TEP1: variants seen among roughly 807,000 people sequenced by gnomAD.
TEP1 encodes telomerase associated protein 1, also known as telomerase protein component 1.
A neutral mutation model predicts 306.3 loss-of-function variants in TEP1; 241 were observed. The ratio of observed to expected loss-of-function variants is 0.79; its 90% CI spans 0.71 to 0.88. The LOEUF (loss-of-function observed/expected upper bound fraction) is 0.88. Among genes scored for constraint, TEP1 ranks in the 40% least tolerant of loss-of-function variants. TEP1 has a pLI of 0.00. For synonymous variants in TEP1, 1,289 were observed against 1,305.5 expected, an observed-to-expected ratio of 0.99 and a Z score of 0.27; for missense variants, 3,051 against 3,276.1, an observed-to-expected ratio of 0.93 and a Z score of 1.68.
In TEP1 at chr14:20,375,799, G is replaced by A. The variant is rs757195695; in HGVS notation, c.6319C>T (p.Arg2107Cys). 1.3e-5 allele frequency: 21 copies of A among 1,613,558 alleles called. No individual in the cohort carries two copies. Among genetic ancestry groups the A allele is most frequent in the South Asian group, 3.3e-5 (3 of 91,056 alleles). The change falls in exon 43 of 55, where the codon CGT (arginine) becomes TGT (cysteine). Residue 2107 changes from arginine to cysteine, a missense_variant. Around this residue, in one of 3 missense-constraint regions of TEP1, gnomAD observed 1,540 missense variants for 1,705.9 expected, o/e 0.90. Transcript: ENST00000262715. ...CAGGCACAGCCAGTGACCCAGTCAC[G>A]GTGACAGGCAGGGAAGGAGTGGATC... ...VLIHSFPACH[R>C]DWVTGCAWTK... is the part of the protein sequence containing the mutation.
rs772453193 is a variant in TEP1, at chr14:20,371,488, C to A, written c.7220+1G>T. On this transcript the variant is annotated splice_donor_variant, in intron 50 of 54. Coordinates refer to ENST00000262715, the MANE Select transcript of TEP1 (RefSeq NM_007110.5). LOFTEE classifies it high-confidence loss of function. ...GGAGGAAATGGCATTTTGGATCTTA[C>A]CAGATTTCAGATGGAGCATCCCCTG... The A allele has an allele frequency of 6.2e-7, 1 of 1,610,012 alleles. No individual in the cohort carries two copies. Among genetic ancestry groups the A allele is most frequent in the Non-Finnish European group, 8.5e-7 (1 of 1,179,210 alleles).
chr14:20,384,962 A>T, intron 21 of TEP1, 23 bp downstream of exon 21: 1 of 1,614,150 alleles, frequency 6.2e-7, no homozygotes, highest in Non-Finnish European at 8.5e-7. Flanking sequence ...AAGGAGCCCC[A>T]GCCTGCAGGC....
intron 12 of TEP1, among the ~76,000 whole-genome samples, chr14:20,394,140 G>C (rs796818687): frequency 6.6e-6 from 1 of 152,124 alleles, no homozygotes; most frequent in African/African-American, 2.4e-5. Context: ...GCAGTGGCAT[G>C]ATCATAGCTC....
In TEP1 at chr14:20,382,046, G is replaced by C. The variant is rs539351442; in HGVS notation, c.4291C>G (p.Leu1431Val). 6.2e-7 allele frequency: 1 copy of C among 1,614,032 alleles called. No homozygotes were observed. Residue 1431 changes from leucine (L) to valine (V), a missense_variant, in exon 30 of 55, where the codon CTG becomes GTG. This residue lies in a region of TEP1 where 1,540 missense variants were observed against 1,705.9 expected (regional missense o/e 0.90). Coordinates refer to ENST00000262715, the MANE Select transcript of TEP1 (RefSeq NM_007110.5). ...VTRSGLTVDQ[L>V]HGVLSVWRTL... Reference sequence around the variant, plus strand: ...CGCCACACACTCAGCACTCCGTGCAGCTGGTCCACAGTCAAACCTGAAAAC... The same window carrying C: ...CGCCACACACTCAGCACTCCGTGCACCTGGTCCACAGTCAAACCTGAAAAC...
chr14:20,410,553 G>A (rs1443566231), intron 1 of TEP1, among the ~76,000 whole-genome samples: 1 of 151,034 alleles, frequency 6.6e-6, no homozygotes, highest in Admixed American at 6.6e-5. Context: ...CTCCCGAGTA[G>A]CTGGAATTAC....
rs941478595 is a variant in TEP1 at position 20,383,300 on chromosome 14, A to G, written c.3921T>C (p.Leu1307=). ...VSSDAGLGET[L]EQSQGAHVLA... ...GCACGTGGGCACCCTGGCTCTGCTC[A>G]AGGGTCTCCCCTAGGCCTGCATCAC... Residue 1307 remains leucine (L), a synonymous_variant, in exon 27 of 55, where the codon CTT becomes CTC. Coordinates refer to ENST00000262715, the MANE Select transcript of TEP1 (RefSeq NM_007110.5). 6.2e-7 allele frequency: 1 copy of G among 1,612,442 alleles called. No individual in the cohort carries two copies. Among genetic ancestry groups the G allele is most frequent in the African/African-American group, 1.3e-5 (1 of 74,900 alleles).
rs183258806 is a variant in TEP1 at position 20,391,092 on chromosome 14, G to A, written c.2102C>T (p.Pro701Leu). Residue 701 changes from proline to leucine, a missense_variant, in exon 14 of 55, where the codon CCG (proline) becomes CTG (leucine). By Grantham distance (98) the Pro-to-Leu change is moderately conservative. Coordinates refer to ENST00000262715, the MANE Select transcript of TEP1 (RefSeq NM_007110.5). ...AATCAACAGCAGTGCATAGTTCAGCGGGGGCTGATTGGACAAGTGTCAGGG... is the reference window on the plus strand; with the variant it reads ...AATCAACAGCAGTGCATAGTTCAGCAGGGGCTGATTGGACAAGTGTCAGGG... ...LCPKSNPQGP[P>L]LNYALLLIGM... 2.8e-4 allele frequency: 452 copies of A among 1,613,886 alleles called. 1 individual carries two copies. The highest frequency in any genetic ancestry group is 3.5e-4 in the Non-Finnish European group (413 of 1,179,984).
intron 17 of TEP1, among the ~76,000 whole-genome samples, 177 bp from the exon 18 acceptor site, chr14:20,388,240 A>G (rs1006748345): frequency 5.3e-5 from 8 of 152,224 alleles, no homozygotes; most frequent in African/African-American, 1.7e-4. Context: ...AGGATGCAGA[A>G]CCACAGGAAT....
chr14:20,396,702 C>T lies in TEP1; in HGVS notation c.1578G>A (p.Met526Ile). ...IENGKLPFMA[M>I]LRNLCNLLRV... ...GCAGCAGGTTGCACAGGTTCCGAAGCATGGCCATGAAGGGAAGCTTCCCAT... is the reference window on the plus strand; with the variant it reads ...GCAGCAGGTTGCACAGGTTCCGAAGTATGGCCATGAAGGGAAGCTTCCCAT... Residue 526 changes from methionine to isoleucine, a missense_variant, in exon 10 of 55, where the codon ATG (methionine) becomes ATA (isoleucine). Coordinates refer to ENST00000262715, the MANE Select transcript of TEP1 (RefSeq NM_007110.5). 6 of 1,611,110 alleles carry T rather than the reference C, an allele frequency of 3.7e-6. No homozygotes were observed. The highest frequency in any genetic ancestry group is 5.1e-6 in the Non-Finnish European group (6 of 1,177,758).
intron 35 of TEP1, 133 bp downstream of exon 35, chr14:20,379,797 T>C: frequency 8.0e-7 from 1 of 1,245,522 alleles, no homozygotes; most frequent in South Asian, 1.6e-5. Context: ...CCAAGCCCTT[T>C]GAGCTGATGT....
Position 20,382,641 on chromosome 14 carries a change from G to A in TEP1, c.4122C>T (p.Leu1374=), listed in dbSNP as rs1876681300. 6.2e-7 allele frequency: 1 copy of A among 1,614,140 alleles called. No individual in the cohort carries two copies. The highest frequency in any genetic ancestry group is 8.5e-7 in the Non-Finnish European group (1 of 1,180,010). ...YLRLVTDHLR[L]FTLYEQVSER... ...AACTGACCTGCTCATACAGCGTGAAGAGCCTCAGGTGATCGGTGACCAAGC... is the reference window on the plus strand; with the variant it reads ...AACTGACCTGCTCATACAGCGTGAAAAGCCTCAGGTGATCGGTGACCAAGC... The change falls in exon 28 of 55, where the codon CTC becomes CTT. Residue 1374 remains leucine (L), a synonymous_variant. Coordinates refer to ENST00000262715, the MANE Select transcript of TEP1 (RefSeq NM_007110.5).
chr14:20,367,971 C>G lies in TEP1; in HGVS notation c.*466G>C, dbSNP rs903064713. The G allele has an allele frequency of 2.6e-5, 4 of 154,242 alleles. No individual in the cohort carries two copies. The highest frequency in any genetic ancestry group is 7.4e-5 in the African/African-American group (3 of 40,286). The allele number at this position is 154,242 out of a possible 1,614,324, so 9.6% of individuals were successfully genotyped here. On this transcript the variant is annotated 3_prime_UTR_variant, in exon 55 of 55. Transcript: ENST00000262715. The stretch of plus-strand genomic sequence containing the variant: ...ACAGAAACATAGCTCTTTCTAAATG[C>G]CCTGATGCATGACTGACTTATTCTC...
At chr14:20,409,759 G>C (rs921019961) in intron 1 of TEP1, among the ~76,000 whole-genome samples, 19 of 152,092 alleles carry the variant, frequency 1.2e-4, no homozygotes, top group Admixed American at 3.9e-4. Flanking sequence ...GGTGGCTCAC[G>C]CCTGTAATCC....
In TEP1 at chr14:20,384,194, G is replaced by C; in HGVS notation, c.3378C>G (p.Asp1126Glu). 1.2e-6 allele frequency: 2 copies of C among 1,614,192 alleles called. No homozygotes were observed. The highest frequency in any genetic ancestry group is 8.5e-7 in the Non-Finnish European group (1 of 1,180,022). The change falls in exon 24 of 55, where the codon GAC becomes GAG. Residue 1126 changes from aspartate to glutamate, a missense_variant. Physicochemically the swap from Asp to Glu is conservative, Grantham distance 45 (BLOSUM62 2). This residue lies in a region of TEP1 where 1,507 missense variants were observed against 1,550.5 expected (regional missense o/e 0.97). Transcript: ENST00000262715. Reference sequence around the variant, plus strand: ...GGAAGGTGGCCTGGACCAAGTCATCGTCTGGGATGGACACTGGCTGCTCCA... The same window carrying C: ...GGAAGGTGGCCTGGACCAAGTCATCCTCTGGGATGGACACTGGCTGCTCCA... ...ALLEQPVSIP[D>E]DDLVQATFQQ...
rs1447431985 is a variant in TEP1, at chr14:20,384,202, T to C, written c.3370A>G (p.Ile1124Val). Residue 1124 changes from isoleucine to valine, a missense_variant, in exon 24 of 55, where the codon ATC (isoleucine) becomes GTC (valine). Transcript: ENST00000262715. ...PGALLEQPVS[I>V]PDDDLVQATF... ...GCCTGGACCAAGTCATCGTCTGGGA[T>C]GGACACTGGCTGCTCCAGCAGGGCC... 6.2e-7 allele frequency: 1 copy of C among 1,614,158 alleles called. No homozygotes were observed. The highest frequency in any genetic ancestry group is 8.5e-7 in the Non-Finnish European group (1 of 1,179,990).
At chr14:20,407,290 T>C (rs1879249008) in intron 2 of TEP1, among the ~76,000 whole-genome samples, 1 of 152,238 alleles carries the variant, frequency 6.6e-6, no homozygotes, top group African/African-American at 2.4e-5. Context: ...GACTCTGCTA[T>C]AGTAACATTA....
Position 20,373,525 on chromosome 14 carries a change from C to A in TEP1, c.6663G>T (p.Arg2221=). ...VVTVGLDGAT[R]LWHPLLVCQT... is the part of the protein sequence containing the mutation. ...AACTCACCAAGAGTGGATGCCATAA[C>A]CGTGTGGCCCCATCTAGCCCGACGG... is the stretch of plus-strand genomic sequence containing the variant. Residue 2221 remains arginine (R), a synonymous_variant, in exon 46 of 55, where the codon CGG becomes CGT. Transcript: ENST00000262715. 6.2e-7 allele frequency: 1 copy of A among 1,614,238 alleles called. No homozygotes were observed. Among genetic ancestry groups the A allele is most frequent in the Non-Finnish European group, 8.5e-7 (1 of 1,180,038 alleles).
intron 12 of TEP1, among the ~76,000 whole-genome samples, chr14:20,395,224 C>T (rs1878095498): frequency 6.6e-6 from 1 of 152,184 alleles, no homozygotes; most frequent in Non-Finnish European, 1.5e-5. Flanking sequence ...AAAACAATCA[C>T]AGATAATAGA....
chr14:20,405,557 G>A lies in TEP1; in HGVS notation c.764C>T (p.Thr255Ile). The part of the protein sequence containing the change: ...KMALLSLLCS[T>I]LVSEVNMNNT... ...GTTCATGTTTACTTCTGAGACCAGAGTAGAGCACAGCAAGCTCAGTAGAGC... is the reference window on the plus strand; with the variant it reads ...GTTCATGTTTACTTCTGAGACCAGAATAGAGCACAGCAAGCTCAGTAGAGC... The change falls in exon 4 of 55, where the codon ACT becomes ATT. Residue 255 changes from threonine (T) to isoleucine (I), a missense_variant. Coordinates refer to ENST00000262715, the MANE Select transcript of TEP1 (RefSeq NM_007110.5). The A allele has an allele frequency of 5.0e-6, 8 of 1,614,174 alleles. No homozygotes were observed. Among genetic ancestry groups the A allele is most frequent in the Non-Finnish European group, 6.8e-6 (8 of 1,180,052 alleles).
Sources: gnomAD v4.1 joint callset for allele counts (sites outside exome capture counted in the v4.1 genomes callset) on GRCh38, gnomAD v4.1.1 for gene constraint, gnomAD v4.1.1 regional missense constraint, MANE v1.5 for transcripts, NCBI Gene and HGNC (gene_info 2026-07-23, HGNC 2026-07-21) for gene names.